Variants in HCN2 observed in about 807,000 individuals in gnomAD.
HCN2 encodes hyperpolarization activated cyclic nucleotide gated potassium and sodium channel 2.
Under a neutral mutation model 52.3 loss-of-function variants are expected in HCN2, and 20 were observed. That is an observed-to-expected ratio of 0.38 (90% CI 0.27 to 0.56). HCN2 has a LOEUF of 0.56. HCN2 is among the 20% of genes least tolerant of loss of function. The pLI is 0.71. For synonymous variants in HCN2, 694 were observed against 537.0 expected (o/e 1.29, Z -4.04); for missense variants, 981 against 1,207.7 (o/e 0.81, Z 2.78).
At chr19:602,494 G>A (rs1456035847) in intron 1 of HCN2, among the ~76,000 whole-genome samples, 2 of 152,054 alleles carry the variant, frequency 1.3e-5, no homozygotes, top group African/African-American at 4.8e-5. Flanking sequence ...TCTTCCTGTG[G>A]CCCCTGTGGA....
chr19:600,568 A>T (rs1224162694), intron 1 of HCN2, among the ~76,000 whole-genome samples: 1 of 150,628 alleles, frequency 6.6e-6, no homozygotes, highest in Non-Finnish European at 1.5e-5. Context: ...GCTGGTCCTG[A>T]TCTCTTGACC....
rs1426772086 is a variant in HCN2 at position 616,918 on chromosome 19, ACCGGC to A, written c.*452_*456del. The A allele has an allele frequency of 2.1e-5, 7 of 340,804 alleles. No homozygotes were observed. Among genetic ancestry groups the A allele is most frequent in the African/African-American group, 1.6e-4 (7 of 44,958 alleles). The allele number at this position is 340,804 out of a possible 1,614,324, so 21.1% of individuals were successfully genotyped here. On this transcript the variant is annotated 3_prime_UTR_variant, in exon 8 of 8. Transcript: ENST00000251287. ...CTGCCCCCATCGCGCTCACGCAATA[ACCGGC>A]CCGGCCCCCGTCCGCGCGCGTCCCC...
At chr19:612,658 A>G (rs12975101) in intron 5 of HCN2, among the ~76,000 whole-genome samples, 20,592 of 149,906 alleles carry the variant, frequency 0.14, 1,770 homozygotes, top group Non-Finnish European at 0.19. Context: ...CAGGCGATCC[A>G]CCCACCTTGG....
intron 4 of HCN2, among the ~76,000 whole-genome samples, chr19:608,761 G>A (rs1175309214): frequency 6.6e-6 from 1 of 152,026 alleles, no homozygotes; most frequent in African/African-American, 2.4e-5. Context: ...TTAGGGAAGG[G>A]CCTGGCGGGG....
At position 590,712 on chromosome 19, in the gene HCN2, G is replaced by A. The variant is rs1982844096; in HGVS notation, c.632+135G>A. 6.6e-6 allele frequency: 4 copies of A among 601,650 alleles called. No homozygotes were observed. The Admixed American group carries it at 1.9e-4, about 28-fold the overall frequency. The allele number at this position is 601,650 out of a possible 1,614,324, so 37.3% of individuals were successfully genotyped here. On this transcript the variant is annotated intron_variant, in intron 1 of 7. Coordinates refer to ENST00000251287, the MANE Select transcript of HCN2 (RefSeq NM_001194.4). This position sits in a 1 kb window ranked among gnomAD's most constrained non-coding sequence, Gnocchi z 7.2. ...ACCTCGGGGCTCCTCGGTGACCTCG[G>A]GCGTGTCCGGGACCCGCCCCGGAGT...
chr19:615,639 C>G (rs1983867487), intron 7 of HCN2, among the ~76,000 whole-genome samples, 156 bp from the exon 8 acceptor site: 1 of 152,220 alleles, frequency 6.6e-6, no homozygotes, highest in African/African-American at 2.4e-5. Flanking sequence ...GCCAGAGATG[C>G]TACATATGTG....
At chr19:595,719 G>A (rs118122820) in intron 1 of HCN2, among the ~76,000 whole-genome samples, 20 of 151,856 alleles carry the variant, frequency 1.3e-4, no homozygotes, top group Admixed American at 5.2e-4. Context: ...GGGATCACCC[G>A]GGAACCCGAG....
intron 4 of HCN2, among the ~76,000 whole-genome samples, chr19:608,651 G>A (rs1983506166): frequency 7.0e-6 from 1 of 143,506 alleles, no homozygotes; most frequent in Admixed American, 7.6e-5. Flanking sequence ...GGCAGGACAG[G>A]GTCAGTCTTT....
At position 615,931 on chromosome 19, in the gene HCN2, G is replaced by A; in HGVS notation, c.2127G>A (p.Gln709=). 7 of 1,611,062 alleles carry A rather than the reference G, an allele frequency of 4.3e-6. No individual in the cohort carries two copies. The highest frequency in any genetic ancestry group is 5.9e-6 in the Non-Finnish European group (7 of 1,179,576). ...REMVQQAELG[Q]RVGLFPPPPP... ...TGGTGCAGCAGGCCGAGCTGGGTCAGCGCGTGGGCCTCTTCCCGCCGCCGC... is the reference window on the plus strand; with the variant it reads ...TGGTGCAGCAGGCCGAGCTGGGTCAACGCGTGGGCCTCTTCCCGCCGCCGC... Residue 709 remains glutamine (Q), a synonymous_variant, in exon 8 of 8, where the codon CAG becomes CAA. Coordinates refer to ENST00000251287, the MANE Select transcript of HCN2 (RefSeq NM_001194.4).
rs978198787 is a variant in HCN2 at position 610,267 on chromosome 19, G to A, written c.1446G>A (p.Gln482=). ...TCGCCTCCTCCCCACAGTACAAGCA[G>A]GTGGAGCAGTACATGTCCTTCCACA... ...SRRQYQEKYK[Q]VEQYMSFHKL... is the part of the protein sequence containing the mutation. The change falls in exon 5 of 8, where the codon CAG becomes CAA. Residue 482 remains glutamine (Q), a synonymous_variant. Transcript: ENST00000251287. The A allele has an allele frequency of 6.2e-6, 10 of 1,613,306 alleles. No homozygotes were observed. In the African/African-American group the frequency reaches 8.0e-5, roughly 13 times the overall value.
chr19:611,668 G>T (rs1028790846), intron 5 of HCN2, among the ~76,000 whole-genome samples: 1 of 152,190 alleles, frequency 6.6e-6, no homozygotes, highest in African/African-American at 2.4e-5. Context: ...TGCATAAAAT[G>T]CGGTGGCTTT....
At chr19:604,723 CATCAGGGGTGGGGA>C in intron 2 of HCN2, among the ~76,000 whole-genome samples, 1 of 92,276 alleles carries the variant, frequency 1.1e-5, no homozygotes, top group Non-Finnish European at 2.2e-5. Flanking sequence ...CAGGGCCAGA[CATCAGGGGTGGGGA>C]TATGAGGGTT....
chr19:599,434 T>A (rs922688476), intron 1 of HCN2, among the ~76,000 whole-genome samples: 1 of 151,886 alleles, frequency 6.6e-6, no homozygotes, highest in Non-Finnish European at 1.5e-5. Context: ...TCCGAAAGGA[T>A]GTGGGGACCC....
rs937991342 is a variant in HCN2 at position 592,022 on chromosome 19, CG to C, written c.632+1447del. The stretch of plus-strand genomic sequence containing the variant: ...CCGAAATCCCCAGAGGGGCTGTGTC[CG>C]GCCCCTCCCACCCTGCCTCTGTGCC... On this transcript the variant is annotated intron_variant, in intron 1 of 7. Coordinates refer to ENST00000251287, the MANE Select transcript of HCN2 (RefSeq NM_001194.4). The surrounding 1 kb of genome is among the most constrained non-coding windows in gnomAD (Gnocchi z 4.8). 3.3e-4 allele frequency among the ~76,000 whole-genome samples: 50 copies of C among 152,182 alleles called. No homozygotes were observed. Among genetic ancestry groups the C allele is most frequent in the African/African-American group, 1.1e-3 (46 of 41,452 alleles).
At position 589,892 on chromosome 19, in the gene HCN2, C is replaced by A; in HGVS notation, c.-54C>A. 1 of 675,628 alleles carries A rather than the reference C, an allele frequency of 1.5e-6. No homozygotes were observed. Among genetic ancestry groups the A allele is most frequent in the South Asian group, 6.8e-5 (1 of 14,758 alleles). 41.9% of individuals were successfully genotyped at this position (675,628 alleles called of 1,614,324 possible). On this transcript the variant is annotated 5_prime_UTR_variant, in exon 1 of 8. Transcript: ENST00000251287. ...CCCGCCTCCCCCCTCCCTCGGGCTC[C>A]GGCCGGCGGCGGCGGCGGCGGCTCC...
At chr19:600,110 C>T (rs1395864004) in intron 1 of HCN2, among the ~76,000 whole-genome samples, 2 of 152,142 alleles carry the variant, frequency 1.3e-5, no homozygotes, top group African/African-American at 4.8e-5. Flanking sequence ...TGGGCTCAGA[C>T]CCCAGTCTGG....
Position 615,955 on chromosome 19 carries a change from G to A in HCN2, c.2151G>A (p.Pro717=), listed in dbSNP as rs767919900. The stretch of plus-strand genomic sequence containing the variant: ...AGCGCGTGGGCCTCTTCCCGCCGCC[G>A]CCGCCGCCGCCGCAGGTCACCTCGG... The part of the protein sequence containing the change: ...LGQRVGLFPP[P]PPPPQVTSAI... The change falls in exon 8 of 8, where the codon CCG becomes CCA. Residue 717 remains proline, a synonymous_variant. Transcript: ENST00000251287. 1 of 1,574,812 alleles carries A rather than the reference G, an allele frequency of 6.3e-7. No homozygotes were observed. Among genetic ancestry groups the A allele is most frequent in the East Asian group, 2.2e-5 (1 of 44,454 alleles).
In HCN2 at chr19:613,985, G is replaced by T; in HGVS notation, c.1959G>T (p.Glu653Asp). ...EEYPMMRRAF[E>D]TVAIDRLDRI... is the part of the protein sequence containing the mutation. Reference sequence around the variant, plus strand: ...ACCCCATGATGCGGCGCGCCTTCGAGACGGTGGCCATCGACCGCCTGGACC... The same window carrying T: ...ACCCCATGATGCGGCGCGCCTTCGATACGGTGGCCATCGACCGCCTGGACC... Residue 653 changes from glutamate (E) to aspartate (D), a missense_variant, in exon 7 of 8, where the codon GAG (glutamate) becomes GAT (aspartate). Physicochemically the swap from Glu to Asp is conservative, Grantham distance 45. Around this residue, in one of 6 missense-constraint regions of HCN2, gnomAD observed 85 missense variants for 106.1 expected, o/e 0.80. Transcript: ENST00000251287. 1 of 1,598,750 alleles carries T rather than the reference G, an allele frequency of 6.3e-7. No homozygotes were observed. The highest frequency in any genetic ancestry group is 8.5e-7 in the Non-Finnish European group (1 of 1,172,768).
intron 1 of HCN2, among the ~76,000 whole-genome samples, chr19:599,943 A>G (rs1983153336): frequency 7.3e-6 from 1 of 137,790 alleles, no homozygotes; most frequent in Non-Finnish European, 1.7e-5. Flanking sequence ...TCCTGGGCTC[A>G]AGCGATCCTC....
Sources: allele counts gnomAD v4.1 joint callset (sites outside exome capture counted in the v4.1 genomes callset), GRCh38; gene constraint gnomAD v4.1.1; regional missense constraint gnomAD v4.1.1; non-coding constraint Gnocchi (gnomAD v3.1); transcripts MANE v1.5; gene names NCBI Gene and HGNC (gene_info 2026-07-23, HGNC 2026-07-21).